The following SIK3 variants were observed in gnomAD, a reference collection of about 807,000 sequenced individuals.
SIK3 encodes serine/threonine-protein kinase SIK3.
A neutral mutation model predicts 144.2 loss-of-function variants in SIK3; 28 were observed. The observed-to-expected ratio is 0.19, with a 90% CI of 0.14 to 0.27. The LOEUF (loss-of-function observed/expected upper bound fraction) is 0.27, where lower values mean the gene tolerates loss of function less well. Among genes scored for constraint, SIK3 ranks in the 10% least tolerant of loss-of-function variants. The pLI is 1.00. For synonymous variants in SIK3, 686 were observed against 676.3 expected, an observed-to-expected ratio of 1.01 and a Z score of -0.22; for missense variants, 1,319 against 1,776.0, an observed-to-expected ratio of 0.74 and a Z score of 4.62.
At chr11:117,010,514 A>C (rs1463873573) in intron 1 of SIK3, among the ~76,000 whole-genome samples, 2 of 152,026 alleles carry the variant, frequency 1.3e-5, no homozygotes, top group Admixed American at 1.3e-4. Flanking sequence ...TCTGTGCCTA[A>C]ACCACCTACA....
At chr11:117,058,035 G>A (rs1030775268) in intron 1 of SIK3, among the ~76,000 whole-genome samples, 3 of 152,248 alleles carry the variant, frequency 2.0e-5, no homozygotes, top group African/African-American at 7.2e-5. Context: ...GAACACATAA[G>A]CTAAGTCCTT....
chr11:117,064,822 C>T (rs969821046), intron 1 of SIK3, among the ~76,000 whole-genome samples: 2 of 152,070 alleles, frequency 1.3e-5, no homozygotes, highest in African/African-American at 4.8e-5. Context: ...CTAAAATTCT[C>T]GTGTTAGATA....
At chr11:116,969,215 A>T (rs1053393466) in intron 1 of SIK3, among the ~76,000 whole-genome samples, 1 of 143,814 alleles carries the variant, frequency 7.0e-6, no homozygotes, top group Non-Finnish European at 1.5e-5. Flanking sequence ...GCGTGAACCC[A>T]GGAGGCGGAG....
chr11:116,898,173 G>A, intron 4 of SIK3, among the ~76,000 whole-genome samples: 2 of 148,984 alleles, frequency 1.3e-5, no homozygotes, highest in Non-Finnish European at 3.0e-5. Flanking sequence ...CCCTTCCTGT[G>A]TCCATGTGTT....
At chr11:117,015,907 A>G (rs1420557545) in intron 1 of SIK3, 1 of 152,166 alleles carries the variant, frequency 6.6e-6, no homozygotes, top group Non-Finnish European at 1.5e-5. Flanking sequence ...GGCTGGTCCT[A>G]TGGTAGTGGG....
chr11:117,074,857 G>A (rs1191245034), intron 1 of SIK3, among the ~76,000 whole-genome samples: 2 of 151,712 alleles, frequency 1.3e-5, no homozygotes, highest in South Asian at 2.1e-4. Context: ...AACCAGGGAG[G>A]TGGAGGTTGC....
At chr11:116,944,585 G>A (rs942391197) in intron 3 of SIK3, among the ~76,000 whole-genome samples, 1 of 152,168 alleles carries the variant, frequency 6.6e-6, no homozygotes, top group Admixed American at 6.5e-5. Flanking sequence ...TACCAGGAGT[G>A]TAACATATCT....
rs547856502 is a variant in SIK3 at position 116,984,114 on chromosome 11, G to A, written c.274-27050C>T. 8.0e-4 allele frequency among the ~76,000 whole-genome samples: 122 copies of A among 151,564 alleles called. 1 individual carries two copies. The highest frequency in any genetic ancestry group is 2.9e-3 in the African/African-American group (118 of 41,272). ...TTCAAGGTTCAAAAGAAGCAGCAGCGGTTTGTGGGGGAAAAGGGATCTGTA... is the reference window on the plus strand; with the variant it reads ...TTCAAGGTTCAAAAGAAGCAGCAGCAGTTTGTGGGGGAAAAGGGATCTGTA... On this transcript the variant is annotated intron_variant, in intron 1 of 24. Transcript: ENST00000445177.
chr11:117,000,272 T>A (rs566249878), intron 1 of SIK3, among the ~76,000 whole-genome samples: 2 of 152,276 alleles, frequency 1.3e-5, no homozygotes, highest in Non-Finnish European at 2.9e-5. Flanking sequence ...CAAGATAACA[T>A]CTCCATTACT....
chr11:117,026,405 G>A (rs186364666), intron 1 of SIK3, among the ~76,000 whole-genome samples: 8 of 152,202 alleles, frequency 5.3e-5, no homozygotes, highest in Non-Finnish European at 7.4e-5. Flanking sequence ...TAAGCAGTGC[G>A]TGACTATACT....
chr11:116,889,907 T>C (rs1945015031), intron 6 of SIK3, among the ~76,000 whole-genome samples: 1 of 152,226 alleles, frequency 6.6e-6, no homozygotes, highest in East Asian at 1.9e-4. Flanking sequence ...AATAAACCTA[T>C]TAAAAAAGAA....
rs747222415 is a variant in SIK3 at position 117,098,231 on chromosome 11, C to A, written c.185G>T (p.Arg62Leu). 1.3e-6 allele frequency: 2 copies of A among 1,496,716 alleles called. No individual in the cohort carries two copies. The highest frequency in any genetic ancestry group is 1.8e-6 in the Non-Finnish European group (2 of 1,121,866). 92.7% of individuals were successfully genotyped at this position (1,496,716 alleles called of 1,614,324 possible). Residue 62 changes from arginine (R) to leucine (L), a missense_variant, in exon 1 of 25, where the codon CGT becomes CTT. By Grantham distance (102) the Arg-to-Leu change is moderately radical (BLOSUM62 -2). Coordinates refer to ENST00000445177, the MANE Select transcript of SIK3 (RefSeq NM_001366686.3). ...APASRGPMPA[R>L]IGYYEIDRTI... The stretch of plus-strand genomic sequence containing the variant: ...GCGGTCGATCTCGTAGTAGCCGATA[C>A]GGGCGGGCATGGGTCCGCGGGAGGC...
chr11:116,946,057 T>C lies in SIK3; in HGVS notation c.454+7987A>G, dbSNP rs1382025430. 4.6e-5 allele frequency among the ~76,000 whole-genome samples: 7 copies of C among 152,376 alleles called. No individual in the cohort carries two copies. In the East Asian group the frequency reaches 1.2e-3, roughly 25 times the overall value. ...ATCCTTTATCTTCTATCCTTCTTCA[T>C]GTGCAAGGCTAATTTCTTGCAATTA... On this transcript the variant is annotated intron_variant, in intron 3 of 24. Transcript: ENST00000445177.
intron 1 of SIK3, among the ~76,000 whole-genome samples, chr11:116,976,561 T>C (rs1367538945): frequency 6.6e-6 from 1 of 152,226 alleles, no homozygotes; most frequent in Non-Finnish European, 1.5e-5. Context: ...ATTTCTGAAT[T>C]CTTGAATCTA....
intron 1 of SIK3, among the ~76,000 whole-genome samples, chr11:117,044,305 A>G (rs1952864314): frequency 6.6e-6 from 1 of 152,186 alleles, no homozygotes. Context: ...TAGTACTTAT[A>G]AAAACCCATC....
intron 1 of SIK3, among the ~76,000 whole-genome samples, chr11:117,063,438 G>GC (rs1183839927): frequency 6.6e-6 from 1 of 152,148 alleles, no homozygotes. Context: ...AAAGTCAGCT[G>GC]CCAGGCTATC....
At chr11:116,954,897 C>T (rs183910819) in intron 2 of SIK3, among the ~76,000 whole-genome samples, 1 of 152,284 alleles carries the variant, frequency 6.6e-6, no homozygotes, top group Non-Finnish European at 1.5e-5. Context: ...TACAACAGTG[C>T]TGTCCAATAG....
intron 1 of SIK3, among the ~76,000 whole-genome samples, chr11:117,056,496 C>T (rs187620061): frequency 3.3e-4 from 49 of 149,982 alleles, no homozygotes; most frequent in African/African-American, 1.2e-3. Flanking sequence ...GCACATTGTG[C>T]ACATGTGCCC....
At chr11:116,945,119 C>G (rs1412702888) in intron 3 of SIK3, among the ~76,000 whole-genome samples, 1 of 152,106 alleles carries the variant, frequency 6.6e-6, no homozygotes. Context: ...GCCACCACAC[C>G]TGGCTCATTT....
Sources: allele counts gnomAD v4.1 joint callset (sites outside exome capture counted in the v4.1 genomes callset), GRCh38; gene constraint gnomAD v4.1.1; transcripts MANE v1.5; gene names NCBI Gene and HGNC (gene_info 2026-07-23, HGNC 2026-07-21).